PCLO: variants seen among roughly 807,000 people sequenced by gnomAD.
The protein encoded by PCLO is piccolo presynaptic cytomatrix protein.
A neutral mutation model predicts 427.5 loss-of-function variants in PCLO; 82 were observed. The observed-to-expected ratio is 0.19, with a 90% CI of 0.16 to 0.23. The LOEUF (loss-of-function observed/expected upper bound fraction) is 0.23, where lower values mean the gene tolerates loss of function less well. PCLO is among the 10% of genes least tolerant of loss of function. The pLI, the probability that PCLO is intolerant of heterozygous loss-of-function variation, is 1.00. For synonymous variants in PCLO, 2,357 were observed against 2,155.4 expected (o/e 1.09, Z -2.59); for missense variants, 6,239 against 6,115.9 (o/e 1.02, Z -0.67).
In PCLO at chr7:82,966,432, A is replaced by G; in HGVS notation, c.3356T>C (p.Leu1119Pro). 1.9e-6 allele frequency: 3 copies of G among 1,609,352 alleles called. No individual in the cohort carries two copies. Among genetic ancestry groups the G allele is most frequent in the East Asian group, 2.2e-5 (1 of 44,820 alleles). ...AGGTGGCATTTTGCGTATGTCTCCA[A>G]GCTGTCCTGATATTGCTCTCTGGGT... Reference protein sequence around the residue: ...CQTQRAISGQLGDIRKMPPAP... With the variant: ...CQTQRAISGQPGDIRKMPPAP... Residue 1119 changes from leucine to proline, a missense_variant, in exon 4 of 25, where the codon CTT becomes CCT. Leu to Pro is a moderately conservative substitution (Grantham distance 98, BLOSUM62 -3). Transcript: ENST00000333891.
chr7:82,837,482 G>A (rs1048536730), intron 15 of PCLO, among the ~76,000 whole-genome samples: 1 of 152,004 alleles, frequency 6.6e-6, no homozygotes, highest in African/African-American at 2.4e-5. Context: ...TAATTTGGCT[G>A]ATATGAATTG....
chr7:82,980,376 T>TAA (rs1796119883), intron 3 of PCLO, among the ~76,000 whole-genome samples: 1 of 152,074 alleles, frequency 6.6e-6, no homozygotes, highest in Non-Finnish European at 1.5e-5. Flanking sequence ...ACATATGAGA[T>TAA]AAAATTGCTC....
chr7:83,035,871 G>C (rs1788781403), intron 3 of PCLO, among the ~76,000 whole-genome samples: 1 of 152,010 alleles, frequency 6.6e-6, no homozygotes, highest in South Asian at 2.1e-4. Flanking sequence ...AACTCCACAA[G>C]GTTAGCCCCG....
At chr7:83,030,577 A>C (rs1164551129) in intron 3 of PCLO, among the ~76,000 whole-genome samples, 1 of 152,198 alleles carries the variant, frequency 6.6e-6, no homozygotes, top group East Asian at 1.9e-4. Flanking sequence ...GCAGGGCTGG[A>C]ATTACAGTGA....
chr7:82,796,167 T>C (rs1211935593), intron 22 of PCLO, among the ~76,000 whole-genome samples: 1 of 152,150 alleles, frequency 6.6e-6, no homozygotes, highest in Non-Finnish European at 1.5e-5. Context: ...CAGAGATGAA[T>C]CTGGCTTAGA....
chr7:82,908,566 A>G (rs1305017072), intron 8 of PCLO, among the ~76,000 whole-genome samples: 1 of 152,030 alleles, frequency 6.6e-6, no homozygotes, highest in East Asian at 1.9e-4. Flanking sequence ...ATTTCACCCA[A>G]TTGCTTGTAA....
Position 82,901,966 on chromosome 7 carries a change from A to G in PCLO, c.13528+685T>C, listed in dbSNP as rs1230355745. Among the ~76,000 whole-genome samples, 10 of 151,400 alleles carry G rather than the reference A, an allele frequency of 6.6e-5. No homozygotes were observed. In the East Asian group the frequency reaches 2.0e-3, roughly 30 times the overall value. Reference sequence around the variant, plus strand: ...GATGTGGAGAAACAGGAACACTTTTACACTGTTGGTGGGACTGTAAACTAG... The same window carrying G: ...GATGTGGAGAAACAGGAACACTTTTGCACTGTTGGTGGGACTGTAAACTAG... On this transcript the variant is annotated intron_variant, in intron 9 of 24. Transcript: ENST00000333891.
At chr7:82,860,662 T>C (rs1047073623) in intron 10 of PCLO, among the ~76,000 whole-genome samples, 1 of 152,014 alleles carries the variant, frequency 6.6e-6, no homozygotes, top group African/African-American at 2.4e-5. Flanking sequence ...GAAACACATA[T>C]TATTATAACG....
intron 20 of PCLO, among the ~76,000 whole-genome samples, chr7:82,807,992 T>A (rs1791489138): frequency 6.6e-6 from 1 of 151,922 alleles, no homozygotes; most frequent in Non-Finnish European, 1.5e-5. Flanking sequence ...AGAATAATTT[T>A]AAAAATGTAA....
At chr7:83,123,255 G>A (rs528614299) in intron 3 of PCLO, among the ~76,000 whole-genome samples, 1 of 152,218 alleles carries the variant, frequency 6.6e-6, no homozygotes, top group African/African-American at 2.4e-5. Flanking sequence ...AAAACAGCAT[G>A]GCACTGGCAT....
intron 12 of PCLO, 48 bp downstream of exon 12, chr7:82,846,518 CT>C: frequency 1.7e-6 from 2 of 1,185,834 alleles, no homozygotes; most frequent in Non-Finnish European, 2.5e-6. Flanking sequence ...GCAATTACTT[CT>C]ATTTCTATCT....
At chr7:82,889,419 GA>G (rs1353125847) in intron 9 of PCLO, among the ~76,000 whole-genome samples, 10 of 152,106 alleles carry the variant, frequency 6.6e-5, no homozygotes, top group Non-Finnish European at 1.5e-4. Context: ...AGAGCAACAT[GA>G]TATAAAATTT....
intron 3 of PCLO, among the ~76,000 whole-genome samples, chr7:83,079,440 G>A (rs998329450): frequency 2.0e-5 from 3 of 150,766 alleles, no homozygotes; most frequent in Non-Finnish European, 3.0e-5. Flanking sequence ...AACCATTGAG[G>A]GGGAGGAGAA....
intron 3 of PCLO, among the ~76,000 whole-genome samples, chr7:83,058,559 T>C (rs1319671981): frequency 6.6e-6 from 1 of 152,198 alleles, no homozygotes; most frequent in East Asian, 1.9e-4. Context: ...AATATATATA[T>C]ACCTCAATAA....
intron 22 of PCLO, among the ~76,000 whole-genome samples, chr7:82,780,802 T>C (rs1028222071): frequency 6.6e-6 from 1 of 152,342 alleles, no homozygotes; most frequent in African/African-American, 2.4e-5. Context: ...ACAGTATCTG[T>C]TACAAAAATT....
In PCLO at chr7:82,907,465, T is replaced by C. The variant is rs555052123; in HGVS notation, c.13437+1412A>G. On this transcript the variant is annotated intron_variant, in intron 8 of 24. Transcript: ENST00000333891. ...CATTTATTATCTTAGTAATTGTAGA[T>C]AAAAGGAGCTAAATTTAAGATTTTA... Among the ~76,000 whole-genome samples, 5 of 152,090 alleles carry C rather than the reference T, an allele frequency of 3.3e-5. No individual in the cohort carries two copies. The South Asian group carries it at 8.3e-4, about 25-fold the overall frequency.
intron 7 of PCLO, among the ~76,000 whole-genome samples, chr7:82,910,098 T>G (rs964909077): frequency 3.2e-4 from 48 of 151,686 alleles, no homozygotes; most frequent in African/African-American, 1.1e-3. Flanking sequence ...AATACTTTGT[T>G]GCTTCCTGCT....
At chr7:82,857,955 C>T (rs185286464) in intron 10 of PCLO, among the ~76,000 whole-genome samples, 11 of 152,166 alleles carry the variant, frequency 7.2e-5, no homozygotes, top group Admixed American at 6.5e-4. Flanking sequence ...GGAAGAAATA[C>T]TTCCAAACTC....
In PCLO at chr7:82,993,106, A is replaced by G. The variant is rs1409417314; in HGVS notation, c.3301-26619T>C. 3.3e-5 allele frequency among the ~76,000 whole-genome samples: 5 copies of G among 152,142 alleles called. No homozygotes were observed. The East Asian group carries it at 9.6e-4, about 29-fold the overall frequency. On this transcript the variant is annotated intron_variant, in intron 3 of 24. Coordinates refer to ENST00000333891, the MANE Select transcript of PCLO (RefSeq NM_033026.6). ...CTGAAACTCTAACCACATATTATTGAAAATATGTAGTTTTTCCCCCTTCCT... is the reference window on the plus strand; with the variant it reads ...CTGAAACTCTAACCACATATTATTGGAAATATGTAGTTTTTCCCCCTTCCT...
Sources: allele counts gnomAD v4.1 joint callset (sites outside exome capture counted in the v4.1 genomes callset), GRCh38; gene constraint gnomAD v4.1.1; transcripts MANE v1.5; gene names NCBI Gene and HGNC (gene_info 2026-07-23, HGNC 2026-07-21).